LRIG2: variants seen among roughly 807,000 people sequenced by gnomAD.
LRIG2 encodes the protein leucine rich repeats and immunoglobulin like domains 2, also known as leucine-rich repeats and immunoglobulin-like domains protein 2.
In LRIG2, 93 loss-of-function variants were observed where a neutral mutation model predicts 107.8. The ratio of observed to expected loss-of-function variants is 0.86; its 90% CI spans 0.73 to 1.03. The LOEUF is 1.03. LRIG2 is among the 50% of genes least tolerant of loss of function. LRIG2 has a pLI of 0.00. For missense variants in LRIG2, 1,226 were observed against 1,296.0 expected (o/e 0.95, Z 0.83); for synonymous variants, 471 against 470.6 (o/e 1.00, Z -0.01).
At chr1:113,081,172 T>A (rs903783770) in intron 1 of LRIG2, among the ~76,000 whole-genome samples, 1 of 152,178 alleles carries the variant, frequency 6.6e-6, no homozygotes. Flanking sequence ...GGTTCCCATC[T>A]GACTCTGCAT....
At chr1:113,077,113 T>C (rs767366240) in intron 1 of LRIG2, among the ~76,000 whole-genome samples, 3 of 152,142 alleles carry the variant, frequency 2.0e-5, no homozygotes, top group Admixed American at 6.6e-5. Flanking sequence ...ACCTTTTCCT[T>C]ACTGTTTTAT....
chr1:113,079,131 G>T (rs1653132463), intron 1 of LRIG2, among the ~76,000 whole-genome samples: 1 of 151,834 alleles, frequency 6.6e-6, no homozygotes, highest in Non-Finnish European at 1.5e-5. Flanking sequence ...GATCACTGGA[G>T]CCTAGGAGTT....
Position 113,095,855 on chromosome 1 carries a change from T to G in LRIG2, c.804-19T>G. 6.2e-7 allele frequency: 1 copy of G among 1,613,888 alleles called. No homozygotes were observed. Among genetic ancestry groups the G allele is most frequent in the Non-Finnish European group, 8.5e-7 (1 of 1,179,772 alleles). On this transcript the variant is annotated intron_variant, in intron 6 of 17. Coordinates refer to ENST00000361127, the MANE Select transcript of LRIG2 (RefSeq NM_014813.3). ...CCTTGTTTTGGAACGTATTTTCTTC[T>G]CTTTCTCTAATTCTGCAGAGAACTG...
chr1:113,116,544 C>A, intron 16 of LRIG2, 108 bp downstream of exon 16: 1 of 1,045,222 alleles, frequency 9.6e-7, no homozygotes, highest in Non-Finnish European at 1.4e-6. Context: ...AGTAAGATAC[C>A]TAATGAAAGC....
chr1:113,098,762 T>G lies in LRIG2; in HGVS notation c.1149T>G (p.Ala383=). Residue 383 remains alanine (A), a synonymous_variant, in exon 9 of 18, where the codon GCT becomes GCG. Coordinates refer to ENST00000361127, the MANE Select transcript of LRIG2 (RefSeq NM_014813.3). ...WAIEDASEAF[A]GLTSLTKLIL... Reference sequence around the variant, plus strand: ...TAGAAGATGCTAGTGAAGCCTTTGCTGGACTCACAAGTCTCACTAAACTGT... The same window carrying G: ...TAGAAGATGCTAGTGAAGCCTTTGCGGGACTCACAAGTCTCACTAAACTGT... 1 of 1,610,940 alleles carries G rather than the reference T, an allele frequency of 6.2e-7. No homozygotes were observed. Among genetic ancestry groups the G allele is most frequent in the Non-Finnish European group, 8.5e-7 (1 of 1,177,206 alleles).
intron 15 of LRIG2, 78 bp from the exon 16 acceptor site, chr1:113,116,209 G>GAA (rs1283394254): frequency 7.7e-7 from 1 of 1,290,472 alleles, no homozygotes; most frequent in Non-Finnish European, 1.1e-6. Flanking sequence ...TATCAAAGTG[G>GAA]AACACATTTG....
rs367873679 is a variant in LRIG2, at chr1:113,099,454, G to A, written c.1172+669G>A. ...AGAGTCTCACTATATTGCCCAGGCT[G>A]GTGTTGAACTCCTGGGCTCAAGTGA... On this transcript the variant is annotated intron_variant, in intron 9 of 17. Coordinates refer to ENST00000361127, the MANE Select transcript of LRIG2 (RefSeq NM_014813.3). 5.3e-5 allele frequency among the ~76,000 whole-genome samples: 8 copies of A among 151,070 alleles called. No individual in the cohort carries two copies. The East Asian group carries it at 1.6e-3, about 30-fold the overall frequency.
intron 8 of LRIG2, 26 bp downstream of exon 8, chr1:113,096,391 G>T (rs769495792): frequency 6.3e-7 from 1 of 1,595,430 alleles, no homozygotes; most frequent in South Asian, 1.1e-5. Flanking sequence ...CTCCTTTTTG[G>T]TTGTTGTTAC....
Position 113,073,373 on chromosome 1 carries a change from G to GCT in LRIG2, c.-31_-30dup. ...GCCGATCCTCCTTTTCTAGCAGGCA[G>GCT]CTCTTCTAGGCCACGTCCAGGTCGA... On this transcript the variant is annotated 5_prime_UTR_variant, in exon 1 of 18. Transcript: ENST00000361127. The GCT allele has an allele frequency of 6.4e-7, 1 of 1,553,406 alleles. No homozygotes were observed.
In LRIG2 at chr1:113,124,896, C is replaced by T. The variant is rs909846075; in HGVS notation, c.*795C>T. 6.6e-6 allele frequency: 1 copy of T among 152,080 alleles called. No homozygotes were observed. The highest frequency in any genetic ancestry group is 1.5e-5 in the Non-Finnish European group (1 of 68,028). The allele number at this position is 152,080 out of a possible 1,614,324, so 9.4% of individuals were successfully genotyped here. A position where few individuals can be genotyped will look rare whatever the true frequency, so the allele number is the denominator to read the frequency against. ...TATTTAAAGTATAAAAACTGTGGCT[C>T]ACACCTGTAATCCCAGCATTTTGAG... On this transcript the variant is annotated 3_prime_UTR_variant, in exon 18 of 18. Coordinates refer to ENST00000361127, the MANE Select transcript of LRIG2 (RefSeq NM_014813.3).
chr1:113,090,667 C>T (rs1157783952), intron 1 of LRIG2, among the ~76,000 whole-genome samples: 2 of 151,320 alleles, frequency 1.3e-5, no homozygotes. Context: ...GAAACCCCGT[C>T]TCTACTAAAA....
At chr1:113,121,633 C>G (rs1655260810) in intron 17 of LRIG2, among the ~76,000 whole-genome samples, 1 of 151,892 alleles carries the variant, frequency 6.6e-6, no homozygotes. Flanking sequence ...ATCCCAGCTA[C>G]TTGGGAGGCT....
rs1654058256 is a variant in LRIG2 at position 113,096,211 on chromosome 1, C to G, written c.948-11C>G. On this transcript the variant is annotated splice_polypyrimidine_tract_variant and intron_variant, in intron 7 of 17. Coordinates refer to ENST00000361127, the MANE Select transcript of LRIG2 (RefSeq NM_014813.3). ...AATGAATTCCTTACCTTCCACATTT[C>G]TTGTTTTCAGTGATTTGTCCTATAA... The G allele has an allele frequency of 6.2e-7, 1 of 1,609,950 alleles. No homozygotes were observed. The highest frequency in any genetic ancestry group is 1.7e-5 in the Admixed American group (1 of 58,952).
In LRIG2 at chr1:113,073,242, C is replaced by A. The variant is rs747424193; in HGVS notation, c.-165C>A. ...GGCCGTGTGTCCCAGGCCGTCGACC[C>A]CGCTGTCGCGCTGCGTCTGCTCCTT... is the stretch of plus-strand genomic sequence containing the variant. On this transcript the variant is annotated 5_prime_UTR_variant, in exon 1 of 18. Coordinates refer to ENST00000361127, the MANE Select transcript of LRIG2 (RefSeq NM_014813.3). 1.4e-5 allele frequency: 9 copies of A among 650,616 alleles called. No individual in the cohort carries two copies. The highest frequency in any genetic ancestry group is 2.2e-5 in the Non-Finnish European group (8 of 369,400). The allele number at this position is 650,616 out of a possible 1,614,324, so 40.3% of individuals were successfully genotyped here.
intron 12 of LRIG2, among the ~76,000 whole-genome samples, chr1:113,110,012 A>T (rs957791967): frequency 3.9e-5 from 6 of 152,186 alleles, no homozygotes; most frequent in Non-Finnish European, 8.8e-5. Context: ...CTGAGTTCCA[A>T]TCCAGGCTCT....
At position 113,125,470 on chromosome 1, in the gene LRIG2, C is replaced by CT. The variant is rs951519052; in HGVS notation, c.*1378dup. ...TTCCTCCCCCTCTCCCTCCTTCCCT[C>CT]TTTTTTTTTACTGAAACAGAAATTG... On this transcript the variant is annotated 3_prime_UTR_variant, in exon 18 of 18. Transcript: ENST00000361127. The CT allele has an allele frequency of 3.4e-4, 52 of 151,482 alleles. No individual in the cohort carries two copies. The highest frequency in any genetic ancestry group is 7.7e-4 in the East Asian group (4 of 5,166). The allele number at this position is 151,482 out of a possible 1,614,324, so 9.4% of individuals were successfully genotyped here.
Position 113,116,234 on chromosome 1 carries a change from G to C in LRIG2, c.2531-53G>C, listed in dbSNP as rs1655002149. On this transcript the variant is annotated intron_variant, in intron 15 of 17. Coordinates refer to ENST00000361127, the MANE Select transcript of LRIG2 (RefSeq NM_014813.3). ...GAACACATTTGCAAAATAGTCTTCT[G>C]AGTGTTGGCTTCAACTGCCTACCTT... 10 of 1,521,052 alleles carry C rather than the reference G, an allele frequency of 6.6e-6. No individual in the cohort carries two copies. In the African/African-American group the frequency reaches 1.4e-4, roughly 21 times the overall value. The allele number at this position is 1,521,052 out of a possible 1,614,324, so 94.2% of individuals were successfully genotyped here. A position where few individuals can be genotyped will look rare whatever the true frequency, so the allele number is the denominator to read the frequency against.
chr1:113,114,415 T>G lies in LRIG2; in HGVS notation c.2081-12T>G. On this transcript the variant is annotated splice_polypyrimidine_tract_variant and intron_variant, in intron 14 of 17. Coordinates refer to ENST00000361127, the MANE Select transcript of LRIG2 (RefSeq NM_014813.3). ...CTTTTCATTTTTTTTTTTTTTAATG[T>G]TTTCCTGTTAGAGACACCCTCATTT... 6.5e-7 allele frequency: 1 copy of G among 1,533,624 alleles called. No homozygotes were observed. Among genetic ancestry groups the G allele is most frequent in the Non-Finnish European group, 8.8e-7 (1 of 1,137,370 alleles).
intron 17 of LRIG2, among the ~76,000 whole-genome samples, chr1:113,122,247 T>C (rs1261234551): frequency 1.3e-5 from 2 of 152,102 alleles, no homozygotes; most frequent in East Asian, 3.9e-4. Flanking sequence ...CATGCTTGGC[T>C]AATTTTTTGT....
Sources: gnomAD v4.1 joint callset for allele counts (sites outside exome capture counted in the v4.1 genomes callset) on GRCh38, gnomAD v4.1.1 for gene constraint, MANE v1.5 for transcripts, NCBI Gene and HGNC (gene_info 2026-07-23, HGNC 2026-07-21) for gene names.